ATXN8OS: variants seen among roughly 807,000 people sequenced by gnomAD.
ATXN8OS encodes the protein ATXN8 opposite strand (non-protein coding).
intron 4 of ATXN8OS, among the ~76,000 whole-genome samples, chr13:70,154,794 T>C (rs1006946146): frequency 6.6e-6 from 1 of 152,220 alleles, no homozygotes; most frequent in African/African-American, 2.4e-5. Flanking sequence ...TTCTGTTTTA[T>C]CTAAGAAGTA....
intron 2 of ATXN8OS, among the ~76,000 whole-genome samples, chr13:70,119,032 G>A (rs373379056): frequency 4.6e-5 from 7 of 152,126 alleles, no homozygotes; most frequent in Admixed American, 6.6e-5. Flanking sequence ...AGTCAGTATT[G>A]AGAATCAGCT....
chr13:70,126,235 C>G (rs1025778162), intron 2 of ATXN8OS, among the ~76,000 whole-genome samples: 1 of 152,128 alleles, frequency 6.6e-6, no homozygotes, highest in East Asian at 1.9e-4. Context: ...TGATACACTG[C>G]AAGCAAAGTA....
At chr13:70,139,441 A>G in intron 3 of ATXN8OS, 1 of 674,188 alleles carries the variant, frequency 1.5e-6, no homozygotes. Context: ...TTTTTTAAAA[A>G]TATATTATCT....
intron 4 of ATXN8OS, among the ~76,000 whole-genome samples, chr13:70,168,243 G>A (rs1476348892): frequency 6.6e-6 from 1 of 151,948 alleles, no homozygotes; most frequent in Admixed American, 6.6e-5. Flanking sequence ...GACTCTTAAT[G>A]TTTCTACATT....
intron 1 of ATXN8OS, among the ~76,000 whole-genome samples, chr13:70,112,940 T>TTTTA: frequency 7.1e-6 from 1 of 141,784 alleles, no homozygotes; most frequent in Admixed American, 7.2e-5. Flanking sequence ...TTTTTTTTTT[T>TTTTA]GAGATGGAGT....
intron 1 of ATXN8OS, among the ~76,000 whole-genome samples, chr13:70,110,731 T>TA (rs928775275): frequency 2.0e-5 from 3 of 152,102 alleles, no homozygotes; most frequent in East Asian, 3.9e-4. Context: ...TATTCAAAAA[T>TA]AAAAAACTTT....
intron 4 of ATXN8OS, among the ~76,000 whole-genome samples, chr13:70,165,335 CAA>C (rs1889065449): frequency 6.6e-6 from 1 of 151,588 alleles, no homozygotes; most frequent in Non-Finnish European, 1.5e-5. Flanking sequence ...ATGAAAGAGA[CAA>C]GAGCATATAA....
chr13:70,163,809 T>G (rs1370748572), intron 4 of ATXN8OS, among the ~76,000 whole-genome samples: 1 of 151,476 alleles, frequency 6.6e-6, no homozygotes, highest in African/African-American at 2.4e-5. Context: ...CTTTGAATAG[T>G]TTAACTTTTG....
chr13:70,169,360 G>A (rs1297854688), intron 4 of ATXN8OS, among the ~76,000 whole-genome samples: 1 of 152,002 alleles, frequency 6.6e-6, no homozygotes, highest in Non-Finnish European at 1.5e-5. Context: ...GCAATGGCAC[G>A]ATCTTGGCTC....
At chr13:70,107,552 C>G (rs774196463), upstream of ATXN8OS, 6 of 1,608,714 alleles carry the variant, frequency 3.7e-6, no homozygotes, top group Admixed American at 1.0e-4. Context: ...TGGCTGGGTC[C>G]CCAGTGCTCA....
At chr13:70,118,244 A>T (rs1431090879) in intron 2 of ATXN8OS, among the ~76,000 whole-genome samples, 2 of 152,248 alleles carry the variant, frequency 1.3e-5, no homozygotes, top group East Asian at 1.9e-4. Context: ...TACAAAAAAA[A>T]TCTTGGCAAT....
rs572929182 is a variant in ATXN8OS, at chr13:70,149,547, A to G, written n.573+2119A>G. Among the ~76,000 whole-genome samples, 8 of 152,280 alleles carry G rather than the reference A, an allele frequency of 5.3e-5. No homozygotes were observed. In the South Asian group the frequency reaches 1.7e-3, roughly 32 times the overall value. ...CCTGGAATCCTTATTTTACACACAT[A>G]ATACGAAAATAGCTATAAAAATGTT... On this transcript the variant is annotated intron_variant and non_coding_transcript_variant, in intron 4 of 4. Transcript: ENST00000678624.
At chr13:70,115,611 G>T (rs1444374639) in intron 2 of ATXN8OS, among the ~76,000 whole-genome samples, 1 of 152,084 alleles carries the variant, frequency 6.6e-6, no homozygotes, top group African/African-American at 2.4e-5. Context: ...GCAGGGCAAA[G>T]AACATGTCTT....
chr13:70,152,730 C>G (rs191507800), intron 4 of ATXN8OS, among the ~76,000 whole-genome samples: 1 of 152,174 alleles, frequency 6.6e-6, no homozygotes, highest in East Asian at 1.9e-4. Context: ...TTCAAATATT[C>G]TGGGTTTCAT....
intron 3 of ATXN8OS, among the ~76,000 whole-genome samples, chr13:70,140,917 G>A (rs747093430): frequency 7.2e-5 from 11 of 152,098 alleles, no homozygotes; most frequent in Admixed American, 3.9e-4. Context: ...GGCTATCTAC[G>A]ATGGACATAG....
At chr13:70,139,158 G>C (rs923834890) in intron 3 of ATXN8OS, 1 of 413,224 alleles carries the variant, frequency 2.4e-6, no homozygotes, top group African/African-American at 2.0e-5. Context: ...ATCTTGACCT[G>C]TCATTCTAGT....
intron 4 of ATXN8OS, among the ~76,000 whole-genome samples, chr13:70,167,203 A>G (rs932610957): frequency 5.9e-5 from 9 of 152,170 alleles, no homozygotes; most frequent in Non-Finnish European, 8.8e-5. Flanking sequence ...GCTGCTATAA[A>G]GACACATGCA....
intron 3 of ATXN8OS, chr13:70,139,429 C>CTGCTG: frequency 1.3e-6 from 1 of 770,106 alleles, no homozygotes; most frequent in Non-Finnish European, 2.1e-6. Flanking sequence ...GCTGCTGCTG[C>CTGCTG]ATTTTTTAAA....
At chr13:70,152,774 A>G (rs1888887316) in intron 4 of ATXN8OS, among the ~76,000 whole-genome samples, 1 of 152,146 alleles carries the variant, frequency 6.6e-6, no homozygotes, top group East Asian at 1.9e-4. Flanking sequence ...TGAGTAGTCA[A>G]AAAGATTAAG....
Sources: allele counts gnomAD v4.1 joint callset (sites outside exome capture counted in the v4.1 genomes callset), GRCh38; gene constraint gnomAD v4.1.1; transcripts MANE v1.5; gene names NCBI Gene and HGNC (gene_info 2026-07-23, HGNC 2026-07-21).